CALHM4: variants seen among roughly 807,000 people sequenced by gnomAD.
The protein encoded by CALHM4 is calcium homeostasis modulator protein 4.
In CALHM4, 16 loss-of-function variants were observed where a neutral mutation model predicts 13.3. The ratio of observed to expected loss-of-function variants is 1.20; its 90% CI spans 0.81 to 1.82. The LOEUF (loss-of-function observed/expected upper bound fraction) is 1.82. Ranked by LOEUF, CALHM4 falls within the 40% of genes most tolerant of loss-of-function variation. The probability of loss-of-function intolerance (pLI) is 0.00; values close to 1 mark genes in which losing one functional copy is unlikely to be tolerated. For synonymous variants in CALHM4, 127 were observed against 137.1 expected (o/e 0.93, Z 0.52); for missense variants, 344 against 374.9 (o/e 0.92, Z 0.68).
upstream of CALHM4, among the ~76,000 whole-genome samples, chr6:116,549,673 G>A (rs1046791099): frequency 3.3e-5 from 5 of 151,442 alleles, no homozygotes; most frequent in Admixed American, 2.0e-4. Flanking sequence ...TCTGATAAAA[G>A]TATATTAAAA....
rs1774410078 is a variant in CALHM4 at position 116,557,995 on chromosome 6, CA to C, written c.730del (p.Met244Ter). ...QAAEQHSRLL[M>X]MHRIKKLFGF... ...CAGCAGAGCAGCACTCTCGGCTCCT[CA>C]TGATGCATCGCATAAAGAAGCTATT... On this transcript the variant is annotated frameshift_variant, in exon 2 of 2. Transcript: ENST00000368596. LOFTEE classifies it high-confidence loss of function. 6.2e-7 allele frequency: 1 copy of C among 1,614,026 alleles called. No homozygotes were observed. The highest frequency in any genetic ancestry group is 1.3e-5 in the African/African-American group (1 of 74,908).
intron 2 of CALHM4, among the ~76,000 whole-genome samples, chr6:116,548,545 T>A (rs1773910680): frequency 2.0e-5 from 3 of 152,198 alleles, no homozygotes; most frequent in Non-Finnish European, 4.4e-5. Context: ...AATCCAATAA[T>A]GTTTTCTAAT....
In CALHM4 at chr6:116,559,810, T is replaced by C. The variant is rs1774506688; in HGVS notation, c.*1599T>C. ...ATATATATATACAGGTCAATATGCATACATCTTTCTGAAATGGTAGTAGAC... is the reference window on the plus strand; with the variant it reads ...ATATATATATACAGGTCAATATGCACACATCTTTCTGAAATGGTAGTAGAC... On this transcript the variant is annotated 3_prime_UTR_variant, in exon 2 of 2. Coordinates refer to ENST00000368596, the MANE Select transcript of CALHM4 (RefSeq NM_001366078.2). 6.6e-6 allele frequency among the ~76,000 whole-genome samples: 1 copy of C among 152,230 alleles called. No homozygotes were observed. The highest frequency in any genetic ancestry group is 2.4e-5 in the African/African-American group (1 of 41,466).
At chr6:116,548,055 C>G (rs1453265774) in intron 2 of CALHM4, among the ~76,000 whole-genome samples, 1 of 152,112 alleles carries the variant, frequency 6.6e-6, no homozygotes, top group Non-Finnish European at 1.5e-5. Flanking sequence ...GTCTGAATGT[C>G]CCTAAAATTT....
chr6:116,547,466 C>A (rs1394489497), intron 2 of CALHM4, among the ~76,000 whole-genome samples: 2 of 152,186 alleles, frequency 1.3e-5, no homozygotes, highest in African/African-American at 2.4e-5. Flanking sequence ...CCAGTCAAGA[C>A]ACGAGCTTAA....
intron 2 of CALHM4, among the ~76,000 whole-genome samples, chr6:116,548,267 T>G (rs1303259427): frequency 6.6e-6 from 1 of 152,134 alleles, no homozygotes; most frequent in Non-Finnish European, 1.5e-5. Context: ...AGAAGAGCCC[T>G]TGCCAAAAAA....
intron 1 of CALHM4, among the ~76,000 whole-genome samples, chr6:116,537,323 A>G (rs1486841398): frequency 6.6e-6 from 1 of 152,228 alleles, no homozygotes; most frequent in Admixed American, 6.5e-5. Flanking sequence ...CAGATGTTGT[A>G]CATTTTTCTA....
In CALHM4 at chr6:116,554,115, ACTGGG is replaced by A. The variant is rs1459520553; in HGVS notation, c.323_327del (p.Thr108LysfsTer21). ...GGCTTGCCTTAGGTTCTTCAGCATC[ACTGGG>A]AGGGCAGTTATTGCTCCTTTAACTT... On this transcript the variant is annotated frameshift_variant, in exon 1 of 2. Transcript: ENST00000368596. LOFTEE classifies it high-confidence loss of function. 1 of 1,550,464 alleles carries A rather than the reference ACTGGG, an allele frequency of 6.4e-7. No individual in the cohort carries two copies. The highest frequency in any genetic ancestry group is 1.4e-5 in the African/African-American group (1 of 73,018).
At chr6:116,555,132 T>C (rs756469580) in intron 1 of CALHM4, among the ~76,000 whole-genome samples, 21 of 152,198 alleles carry the variant, frequency 1.4e-4, no homozygotes, top group Non-Finnish European at 2.6e-4. Flanking sequence ...ATTTCAGAAA[T>C]GCTAAAGTTA....
Position 116,560,954 on chromosome 6 carries a change from C to T in CALHM4, c.*2743C>T, listed in dbSNP as rs1268037490. On this transcript the variant is annotated 3_prime_UTR_variant, in exon 2 of 2. Coordinates refer to ENST00000368596, the MANE Select transcript of CALHM4 (RefSeq NM_001366078.2). The stretch of plus-strand genomic sequence containing the variant: ...CACCTTCCCAGGAGACAAATACAAA[C>T]CAATGTGTAAATGTGTTTTACTCAG... Among the ~76,000 whole-genome samples the T allele has an allele frequency of 2.0e-5, 3 of 152,190 alleles. No individual in the cohort carries two copies. Among genetic ancestry groups the T allele is most frequent in the African/African-American group, 7.2e-5 (3 of 41,448 alleles).
chr6:116,541,199 C>A (rs1773431064), intron 1 of CALHM4, among the ~76,000 whole-genome samples: 1 of 152,058 alleles, frequency 6.6e-6, no homozygotes, highest in Non-Finnish European at 1.5e-5. Flanking sequence ...GCTGAGCACA[C>A]ACTTTCAACA....
Position 116,537,959 on chromosome 6 carries a change from T to C in CALHM4, c.-108-5806T>C, listed in dbSNP as rs1583291316. Among the ~76,000 whole-genome samples, 4 of 152,232 alleles carry C rather than the reference T, an allele frequency of 2.6e-5. No homozygotes were observed. In the East Asian group the frequency reaches 7.7e-4, roughly 29 times the overall value. ...CCTGTGGCTAATAGAGAATGGAGAA[T>C]ATCCTGGTCGAGGACCACAGGTAAC... On this transcript the variant is annotated intron_variant, in intron 1 of 2. Coordinates refer to the CALHM4 transcript ENST00000368597.
chr6:116,555,717 C>A (rs955624716), intron 1 of CALHM4, among the ~76,000 whole-genome samples: 2 of 152,214 alleles, frequency 1.3e-5, no homozygotes, highest in African/African-American at 4.8e-5. Context: ...TCTTCTGTGA[C>A]TGTCTCAGTC....
chr6:116,552,051 G>A (rs935112123), upstream of CALHM4, among the ~76,000 whole-genome samples: 2 of 151,976 alleles, frequency 1.3e-5, no homozygotes, highest in African/African-American at 4.8e-5. Context: ...CTTTCCTTGG[G>A]GCTCATTTTC....
intron 1 of CALHM4, among the ~76,000 whole-genome samples, chr6:116,542,182 A>G (rs990212353): frequency 5.9e-5 from 9 of 152,166 alleles, no homozygotes; most frequent in African/African-American, 2.2e-4. Flanking sequence ...TAACCTTAAC[A>G]TTCCTCACAG....
rs1305063181 is a variant in CALHM4 at position 116,559,028 on chromosome 6, C to CTTTG, written c.*818_*821dup. On this transcript the variant is annotated 3_prime_UTR_variant, in exon 2 of 2. Coordinates refer to ENST00000368596, the MANE Select transcript of CALHM4 (RefSeq NM_001366078.2). ...GTACCTTTTCATTACCAAATTGCAC[C>CTTTG]TTTGCACTCAAAATCCATTTGTGAA... Among the ~76,000 whole-genome samples the CTTTG allele has an allele frequency of 6.6e-6, 1 of 152,156 alleles. No homozygotes were observed. Among genetic ancestry groups the CTTTG allele is most frequent in the African/African-American group, 2.4e-5 (1 of 41,436 alleles).
At chr6:116,531,734 C>G (rs7776068) in intron 1 of CALHM4, among the ~76,000 whole-genome samples, 4,958 of 152,078 alleles carry the variant, frequency 0.033, 265 homozygotes, top group African/African-American at 0.11. Flanking sequence ...TGGTTACCTA[C>G]TTAATATTTG....
chr6:116,530,843 A>G (rs565900959), intron 1 of CALHM4, among the ~76,000 whole-genome samples: 10 of 145,950 alleles, frequency 6.9e-5, no homozygotes, highest in Non-Finnish European at 1.5e-4. Flanking sequence ...AAGAAAAACA[A>G]ACACCAGCAT....
intron 1 of CALHM4, chr6:116,543,751 A>G: frequency 7.5e-7 from 1 of 1,329,360 alleles, no homozygotes; most frequent in Middle Eastern, 1.8e-4. Flanking sequence ...AATATATGCC[A>G]TCCATGTTTT....
Sources: gnomAD v4.1 joint callset for allele counts (sites outside exome capture counted in the v4.1 genomes callset) on GRCh38, gnomAD v4.1.1 for gene constraint, MANE v1.5 for transcripts, NCBI Gene and HGNC (gene_info 2026-07-23, HGNC 2026-07-21) for gene names.